WWOX: variants seen among roughly 807,000 people sequenced by gnomAD.
The protein encoded by WWOX is WW domain-containing oxidoreductase.
A neutral mutation model predicts 46.2 loss-of-function variants in WWOX; 69 were observed. The observed-to-expected ratio is 1.49, with a 90% CI of 1.23 to 1.82. The LOEUF (loss-of-function observed/expected upper bound fraction) is 1.82. Among genes scored for constraint, WWOX ranks in the 40% most tolerant of loss-of-function variants. The probability of loss-of-function intolerance (pLI) is 0.00; values close to 1 mark genes in which losing one functional copy is unlikely to be tolerated. For missense variants in WWOX, 919 were observed against 542.6 expected (o/e 1.69, Z -6.89); for synonymous variants, 359 against 202.6 (o/e 1.77, Z -6.56).
At chr16:78,267,430 ATTTTG>A (rs1328403837) in intron 5 of WWOX, among the ~76,000 whole-genome samples, 1 of 152,192 alleles carries the variant, frequency 6.6e-6, no homozygotes, top group Non-Finnish European at 1.5e-5. Flanking sequence ...TGGATATTTT[ATTTTG>A]TAGTCTATTA....
At chr16:78,293,978 G>GAAAAAACAAAAAAAAAA (rs2079900561) in intron 5 of WWOX, among the ~76,000 whole-genome samples, 1 of 30,312 alleles carries the variant, frequency 3.3e-5, no homozygotes, top group Non-Finnish European at 6.7e-5. Context: ...CTCTGTCTCA[G>GAAAAAACAAAAAAAAAA]AAAAAAAAAA....
intron 8 of WWOX, among the ~76,000 whole-genome samples, chr16:78,512,025 A>T (rs2085374225): frequency 6.6e-6 from 1 of 152,356 alleles, no homozygotes; most frequent in Middle Eastern, 3.4e-3. Context: ...GGCATCAGAA[A>T]TAAAGGGTTT....
intron 6 of WWOX, among the ~76,000 whole-genome samples, chr16:78,406,904 G>A (rs1236287306): frequency 6.6e-6 from 1 of 152,190 alleles, no homozygotes; most frequent in Non-Finnish European, 1.5e-5. Flanking sequence ...GGGATTACAG[G>A]CGTCAGCCAC....
chr16:79,195,631 G>C (rs556391763), intron 8 of WWOX, among the ~76,000 whole-genome samples: 1 of 152,214 alleles, frequency 6.6e-6, no homozygotes, highest in African/African-American at 2.4e-5. Flanking sequence ...TGAGGTGCAG[G>C]GATGGGGGAA....
chr16:78,783,219 C>G (rs1427980956), intron 8 of WWOX, among the ~76,000 whole-genome samples: 1 of 152,208 alleles, frequency 6.6e-6, no homozygotes. Context: ...CCAGACTTGA[C>G]TTAACTGTTC....
At chr16:78,823,546 A>G (rs1214141624) in intron 8 of WWOX, among the ~76,000 whole-genome samples, 2 of 152,190 alleles carry the variant, frequency 1.3e-5, no homozygotes, top group African/African-American at 4.8e-5. Context: ...CATTCTAAAG[A>G]TGTTCCATTC....
chr16:78,915,284 G>A (rs2045221516), intron 8 of WWOX, among the ~76,000 whole-genome samples: 1 of 152,144 alleles, frequency 6.6e-6, no homozygotes, highest in Admixed American at 6.5e-5. Context: ...AGAGAATCTG[G>A]TCACCTGTCC....
chr16:78,124,206 A>G (rs1336412994), intron 4 of WWOX: 1 of 152,166 alleles, frequency 6.6e-6, no homozygotes, highest in Non-Finnish European at 1.5e-5. Flanking sequence ...TCTTTTGAAA[A>G]TGCAAGAGCC....
chr16:78,567,983 A>C (rs1467730214), intron 8 of WWOX, among the ~76,000 whole-genome samples: 2 of 152,286 alleles, frequency 1.3e-5, no homozygotes, highest in South Asian at 4.1e-4. Context: ...ATGTGTTGCC[A>C]TGTGAAATCT....
intron 8 of WWOX, among the ~76,000 whole-genome samples, chr16:78,806,134 T>G (rs1195589933): frequency 1.3e-5 from 2 of 152,234 alleles, no homozygotes; most frequent in Admixed American, 1.3e-4. Context: ...CTGTTTTCTT[T>G]TCTTTCAAAT....
intron 8 of WWOX, among the ~76,000 whole-genome samples, chr16:78,989,858 TTGAG>T (rs1177994457): frequency 1.2e-5 from 1 of 80,970 alleles, no homozygotes. Context: ...GTGTGTGTGA[TTGAG>T]AGAGAGAGAG....
chr16:78,913,513 A>C (rs573391571), intron 8 of WWOX, among the ~76,000 whole-genome samples: 1 of 152,092 alleles, frequency 6.6e-6, no homozygotes, highest in South Asian at 2.1e-4. Flanking sequence ...AGCTGGATAG[A>C]GCCAGGGTCC....
chr16:78,885,191 A>AC (rs1372826934), intron 8 of WWOX, among the ~76,000 whole-genome samples: 166 of 135,372 alleles, frequency 1.2e-3, no homozygotes, highest in African/African-American at 4.5e-3. Context: ...ATCACTCTCT[A>AC]CTTTTTTTTT....
intron 8 of WWOX, among the ~76,000 whole-genome samples, chr16:78,537,117 A>G (rs761309950): frequency 3.9e-5 from 6 of 151,950 alleles, no homozygotes; most frequent in South Asian, 2.1e-4. Flanking sequence ...GGGTTTTGCC[A>G]TGTTGTCCAG....
chr16:78,540,950 C>T (rs948108951), intron 8 of WWOX, among the ~76,000 whole-genome samples: 5 of 152,076 alleles, frequency 3.3e-5, no homozygotes, highest in Admixed American at 6.6e-5. Flanking sequence ...GCTCCCGAAG[C>T]GCTGGGACCA....
At chr16:78,693,589 C>T (rs1398256746) in intron 8 of WWOX, among the ~76,000 whole-genome samples, 4 of 152,102 alleles carry the variant, frequency 2.6e-5, no homozygotes, top group African/African-American at 9.7e-5. Context: ...TCCTCTAGGG[C>T]AGTGGAGACA....
intron 4 of WWOX, among the ~76,000 whole-genome samples, chr16:78,132,502 G>A (rs1049572404): frequency 6.6e-6 from 1 of 152,112 alleles, no homozygotes; most frequent in Non-Finnish European, 1.5e-5. Context: ...CGCTTCCATT[G>A]CTTGCCTTTT....
chr16:78,825,234 T>G (rs988957290), intron 8 of WWOX: 1 of 231,932 alleles, frequency 4.3e-6, no homozygotes. Flanking sequence ...TAGTGAGATC[T>G]AAGAGAGGCA....
intron 8 of WWOX, among the ~76,000 whole-genome samples, chr16:78,584,502 C>G (rs1229474800): frequency 1.3e-5 from 2 of 152,206 alleles, no homozygotes; most frequent in African/African-American, 4.8e-5. Context: ...AAGACAAGGA[C>G]TGTTCTAAGC....
Sources: gnomAD v4.1 joint callset for allele counts (sites outside exome capture counted in the v4.1 genomes callset) on GRCh38, gnomAD v4.1.1 for gene constraint, MANE v1.5 for transcripts, NCBI Gene and HGNC (gene_info 2026-07-23, HGNC 2026-07-21) for gene names.